ANKRD11: variants seen among roughly 807,000 people sequenced by gnomAD.
ANKRD11 encodes ankyrin repeat domain-containing protein 11.
A neutral mutation model predicts 195.7 loss-of-function variants in ANKRD11; 17 were observed. The ratio of observed to expected loss-of-function variants is 0.09; its 90% CI spans 0.06 to 0.13. The LOEUF is 0.13. Among genes scored for constraint, ANKRD11 ranks in the 10% least tolerant of loss-of-function variants. The probability of loss-of-function intolerance (pLI) is 1.00; values close to 1 mark genes in which losing one functional copy is unlikely to be tolerated. For missense variants in ANKRD11, 3,735 were observed against 3,566.1 expected, an observed-to-expected ratio of 1.05 and a Z score of -1.21; for synonymous variants, 1,953 against 1,528.1, an observed-to-expected ratio of 1.28 and a Z score of -6.49.
At chr16:89,486,347 G>A (rs1358461396) in intron 1 of ANKRD11, among the ~76,000 whole-genome samples, 1 of 151,822 alleles carries the variant, frequency 6.6e-6, no homozygotes, top group Non-Finnish European at 1.5e-5. Flanking sequence ...AGTCTGAGGT[G>A]GGAGGATCGC....
At chr16:89,402,354 G>A (rs924296632) in intron 2 of ANKRD11, among the ~76,000 whole-genome samples, 1 of 152,092 alleles carries the variant, frequency 6.6e-6, no homozygotes, top group African/African-American at 2.4e-5. Flanking sequence ...GCCACAATAA[G>A]GTATCTGGGA....
chr16:89,324,604 C>T (rs1295676301), intron 2 of ANKRD11: 9 of 437,050 alleles, frequency 2.1e-5, no homozygotes, highest in Admixed American at 4.9e-5. Flanking sequence ...GCTGCCAGCA[C>T]GGCAGATCTG....
intron 2 of ANKRD11, among the ~76,000 whole-genome samples, chr16:89,337,135 G>C (rs762046900): frequency 6.6e-6 from 1 of 151,530 alleles, no homozygotes; most frequent in African/African-American, 2.4e-5. Flanking sequence ...GCAGTGAGTT[G>C]AGATCACACC....
At chr16:89,380,866 A>G (rs2040613122) in intron 2 of ANKRD11, among the ~76,000 whole-genome samples, 4 of 152,222 alleles carry the variant, frequency 2.6e-5, no homozygotes, top group Admixed American at 6.5e-5. Context: ...GACCAGGCCT[A>G]CACGGGGCAA....
chr16:89,359,927 T>C (rs1344790030), intron 2 of ANKRD11, among the ~76,000 whole-genome samples: 1 of 151,700 alleles, frequency 6.6e-6, no homozygotes, highest in Non-Finnish European at 1.5e-5. Flanking sequence ...CGGGGGCACA[T>C]GTGAGGGTGT....
rs1488159445 is a variant in ANKRD11 at position 89,279,608 on chromosome 16, G to A, written c.6934C>T (p.Pro2312Ser). ...PAEGPPGGIQPEAAEPKPTAE... is the reference protein window; with the variant it reads ...PAEGPPGGIQSEAAEPKPTAE... Reference sequence around the variant, plus strand: ...GTGGGTTTTGGTTCTGCGGCTTCCGGCTGGATGCCGCCAGGAGGGCCTTCG... The same window carrying A: ...GTGGGTTTTGGTTCTGCGGCTTCCGACTGGATGCCGCCAGGAGGGCCTTCG... The change falls in exon 9 of 13, where the codon CCG becomes TCG. Residue 2312 changes from proline to serine, a missense_variant. Pro to Ser is a moderately conservative substitution (Grantham distance 74). Coordinates refer to ENST00000301030, the MANE Select transcript of ANKRD11 (RefSeq NM_013275.6). This position sits in a 1 kb window ranked among gnomAD's most constrained non-coding sequence, Gnocchi z 5.6. The A allele has an allele frequency of 1.4e-6, 2 of 1,438,772 alleles. No homozygotes were observed. The highest frequency in any genetic ancestry group is 2.7e-5 in the Admixed American group (1 of 37,300). The allele number at this position is 1,438,772 out of a possible 1,614,324, so 89.1% of individuals were successfully genotyped here. A position where few individuals can be genotyped will look rare whatever the true frequency, so the allele number is the denominator to read the frequency against.
chr16:89,397,309 A>G (rs1567748085), intron 2 of ANKRD11, among the ~76,000 whole-genome samples: 1 of 152,230 alleles, frequency 6.6e-6, no homozygotes, highest in African/African-American at 2.4e-5. Context: ...AAGGCCTCTC[A>G]CAAGTCCAAC....
intron 2 of ANKRD11, among the ~76,000 whole-genome samples, chr16:89,381,229 G>A (rs1457230723): frequency 6.6e-6 from 1 of 151,920 alleles, no homozygotes; most frequent in Non-Finnish European, 1.5e-5. Context: ...CCACTGGGGA[G>A]GCTGAGGCAG....
intron 2 of ANKRD11, among the ~76,000 whole-genome samples, chr16:89,339,426 G>A (rs919499495): frequency 4.6e-5 from 7 of 152,198 alleles, no homozygotes; most frequent in African/African-American, 1.2e-4. Flanking sequence ...GCATCACACA[G>A]GTCAGATCTG....
chr16:89,363,432 AACCTGC>A (rs2039815770), intron 2 of ANKRD11, among the ~76,000 whole-genome samples: 1 of 152,140 alleles, frequency 6.6e-6, no homozygotes, highest in Non-Finnish European at 1.5e-5. Context: ...ATATGTAACA[AACCTGC>A]ACGTTGTGCA....
In ANKRD11 at chr16:89,357,784, G is replaced by A. The variant is rs185036416; in HGVS notation, c.-59-40706C>T. Among the ~76,000 whole-genome samples the A allele has an allele frequency of 1.1e-3, 173 of 152,338 alleles. 1 individual carries two copies. The highest frequency in any genetic ancestry group is 4.0e-3 in the African/African-American group (166 of 41,582). On this transcript the variant is annotated intron_variant, in intron 2 of 12. Transcript: ENST00000301030. ...AGGGCCCTGAGGGAGGAGTCTGGGA[G>A]GAACCACTGCTCATCGGCAAGCCAA...
At chr16:89,324,560 C>T (rs962320225) in intron 2 of ANKRD11, 4 of 455,188 alleles carry the variant, frequency 8.8e-6, no homozygotes, top group African/African-American at 2.0e-5. Flanking sequence ...GAGAGGCCGA[C>T]GAACCCTCCA....
At chr16:89,419,241 C>G (rs2042418543) in intron 1 of ANKRD11, among the ~76,000 whole-genome samples, 1 of 151,888 alleles carries the variant, frequency 6.6e-6, no homozygotes, top group Admixed American at 6.6e-5. Context: ...CACTTGAGGT[C>G]ATGAGTTCAA....
intron 2 of ANKRD11, among the ~76,000 whole-genome samples, chr16:89,371,671 C>T (rs1040875520): frequency 6.6e-6 from 1 of 152,180 alleles, no homozygotes; most frequent in Non-Finnish European, 1.5e-5. Flanking sequence ...CAGACTCCCC[C>T]CTGCACCCCC....
At chr16:89,324,569 C>A (rs7186101) in intron 2 of ANKRD11, 1 of 454,326 alleles carries the variant, frequency 2.2e-6, no homozygotes, top group Non-Finnish European at 4.4e-6. Context: ...ACGAACCCTC[C>A]ATCTGGGGGG....
At chr16:89,485,303 G>A (rs1451989696) in intron 1 of ANKRD11, among the ~76,000 whole-genome samples, 1 of 151,060 alleles carries the variant, frequency 6.6e-6, no homozygotes, top group Admixed American at 6.6e-5. Flanking sequence ...GACCAACATG[G>A]GGAAACCCCA....
chr16:89,367,089 T>C (rs547339286), intron 2 of ANKRD11, among the ~76,000 whole-genome samples: 1 of 152,240 alleles, frequency 6.6e-6, no homozygotes, highest in East Asian at 1.9e-4. Flanking sequence ...GACTCCAAGA[T>C]GCCACCCCGA....
At chr16:89,420,917 C>T (rs559216670) in intron 1 of ANKRD11, among the ~76,000 whole-genome samples, 5 of 152,370 alleles carry the variant, frequency 3.3e-5, no homozygotes, top group African/African-American at 1.2e-4. Flanking sequence ...ACCACCACGA[C>T]TATAAACAAG....
At chr16:89,289,611 A>T in intron 6 of ANKRD11, among the ~76,000 whole-genome samples, 1 of 152,240 alleles carries the variant, frequency 6.6e-6, no homozygotes, top group South Asian at 2.1e-4. Flanking sequence ...GTGTCGACCC[A>T]GCCGGCCTCC....
Sources: allele counts gnomAD v4.1 joint callset (sites outside exome capture counted in the v4.1 genomes callset), GRCh38; gene constraint gnomAD v4.1.1; non-coding constraint Gnocchi (gnomAD v3.1); transcripts MANE v1.5; gene names NCBI Gene and HGNC (gene_info 2026-07-23, HGNC 2026-07-21).